GRM8: variants seen among roughly 807,000 people sequenced by gnomAD.
GRM8 encodes the protein glutamate metabotropic receptor 8.
In GRM8, 47 loss-of-function variants were observed where a neutral mutation model predicts 87.2. That is an observed-to-expected ratio of 0.54 (90% confidence interval 0.43 to 0.69). The LOEUF (loss-of-function observed/expected upper bound fraction) is 0.69, where lower values mean the gene tolerates loss of function less well. Ranked by LOEUF, GRM8 falls within the 30% of genes least tolerant of loss-of-function variation. The pLI is 0.00. For missense variants in GRM8, 1,019 were observed against 1,139.2 expected (o/e 0.89, Z 1.52); for synonymous variants, 396 against 404.5 (o/e 0.98, Z 0.25).
chr7:126,571,434 T>A (rs1794680876), intron 8 of GRM8, among the ~76,000 whole-genome samples: 1 of 152,166 alleles, frequency 6.6e-6, no homozygotes, highest in Non-Finnish European at 1.5e-5. Flanking sequence ...ATTGATGATC[T>A]ATATACAGGA....
chr7:126,583,382 A>T (rs1425605389), intron 8 of GRM8, among the ~76,000 whole-genome samples: 2 of 152,078 alleles, frequency 1.3e-5, no homozygotes, highest in Non-Finnish European at 2.9e-5. Flanking sequence ...AAATAATAAA[A>T]ATAAAAAAAT....
chr7:126,563,031 A>G (rs899289614), intron 8 of GRM8, among the ~76,000 whole-genome samples: 1 of 152,214 alleles, frequency 6.6e-6, no homozygotes, highest in Non-Finnish European at 1.5e-5. Context: ...CGTACTGCCC[A>G]TTGTACAATA....
chr7:127,131,451 A>G (rs1302152929), intron 2 of GRM8, among the ~76,000 whole-genome samples: 1 of 152,144 alleles, frequency 6.6e-6, no homozygotes, highest in Non-Finnish European at 1.5e-5. Context: ...GCCTCAATCA[A>G]TTTTTTAAAC....
At chr7:127,004,743 A>C (rs1042490062) in intron 3 of GRM8, among the ~76,000 whole-genome samples, 15 of 151,820 alleles carry the variant, frequency 9.9e-5, no homozygotes, top group African/African-American at 3.6e-4. Context: ...GTAACCTTCA[A>C]AATTATAATG....
chr7:126,797,881 T>C (rs1822143021), intron 6 of GRM8, among the ~76,000 whole-genome samples: 1 of 152,114 alleles, frequency 6.6e-6, no homozygotes, highest in Admixed American at 6.6e-5. Flanking sequence ...CCCAATACTA[T>C]CTAAAGATAT....
In GRM8 at chr7:126,771,324, C is replaced by A. The variant is rs547694687; in HGVS notation, c.1157-1259G>T. 1.9e-4 allele frequency among the ~76,000 whole-genome samples: 29 copies of A among 150,830 alleles called. No homozygotes were observed. The South Asian group carries it at 6.2e-3, about 32-fold the overall frequency. ...CATCGAATTATTGTTTTTGTTCTTC[C>A]TCTGGTCTTAATCACTTGTGACACT... is the stretch of plus-strand genomic sequence containing the variant. On this transcript the variant is annotated intron_variant, in intron 6 of 10. Transcript: ENST00000339582.
chr7:126,747,792 T>G (rs555319363), intron 7 of GRM8, among the ~76,000 whole-genome samples: 1 of 151,968 alleles, frequency 6.6e-6, no homozygotes, highest in Non-Finnish European at 1.5e-5. Context: ...CAAATACAAC[T>G]GAAGAATTAT....
intron 7 of GRM8, among the ~76,000 whole-genome samples, chr7:126,708,952 C>T (rs984377145): frequency 6.6e-6 from 1 of 152,028 alleles, no homozygotes; most frequent in Non-Finnish European, 1.5e-5. Context: ...TTGAAAACTC[C>T]ATAAAAAGTA....
intron 7 of GRM8, among the ~76,000 whole-genome samples, chr7:126,741,511 G>A (rs1028899374): frequency 2.6e-4 from 39 of 152,142 alleles, no homozygotes; most frequent in African/African-American, 8.9e-4. Flanking sequence ...TGCTTACCCT[G>A]GGAACAGGCC....
At chr7:127,101,549 T>C (rs1030630906) in intron 3 of GRM8, among the ~76,000 whole-genome samples, 1 of 152,188 alleles carries the variant, frequency 6.6e-6, no homozygotes, top group East Asian at 1.9e-4. Flanking sequence ...CAACTCTCTC[T>C]TGCTCTTGCT....
Position 126,978,752 on chromosome 7 carries a change from T to C in GRM8, c.728-74069A>G, listed in dbSNP as rs543285198. On this transcript the variant is annotated intron_variant, in intron 3 of 10. Coordinates refer to ENST00000339582, the MANE Select transcript of GRM8 (RefSeq NM_000845.3). ...ATTCCAATATGTAAACATTTTCCTG[T>C]GGTGCACATTAAATCCTTACAAAAG... Among the ~76,000 whole-genome samples the C allele has an allele frequency of 3.9e-5, 6 of 152,324 alleles. 1 individual carries two copies. In the South Asian group the frequency reaches 1.2e-3, roughly 32 times the overall value.
intron 6 of GRM8, among the ~76,000 whole-genome samples, chr7:126,774,999 G>A (rs564349074): frequency 6.6e-6 from 1 of 152,240 alleles, no homozygotes; most frequent in South Asian, 2.1e-4. Flanking sequence ...AAAACAAATG[G>A]AAGTCATACC....
At chr7:126,757,235 C>G in intron 7 of GRM8, among the ~76,000 whole-genome samples, 1 of 151,896 alleles carries the variant, frequency 6.6e-6, no homozygotes, top group East Asian at 1.9e-4. Context: ...AGTTTAAAAG[C>G]AAGAACCCCT....
chr7:126,585,849 A>G (rs1430909544), intron 8 of GRM8, among the ~76,000 whole-genome samples: 1 of 152,144 alleles, frequency 6.6e-6, no homozygotes, highest in African/African-American at 2.4e-5. Context: ...GGCAGGAGAA[A>G]GAAATAAAGG....
chr7:127,186,912 A>G (rs1192241801), intron 2 of GRM8, among the ~76,000 whole-genome samples: 1 of 152,154 alleles, frequency 6.6e-6, no homozygotes, highest in Non-Finnish European at 1.5e-5. Context: ...AGTCAAAGGG[A>G]CCTCATGTGG....
At chr7:127,077,154 G>C (rs1026063248) in intron 3 of GRM8, among the ~76,000 whole-genome samples, 1 of 152,142 alleles carries the variant, frequency 6.6e-6, no homozygotes, top group Non-Finnish European at 1.5e-5. Flanking sequence ...GTATGTGTCT[G>C]TATCTGTGCT....
At chr7:126,797,559 T>C (rs2151695787) in intron 6 of GRM8, among the ~76,000 whole-genome samples, 1 of 152,156 alleles carries the variant, frequency 6.6e-6, no homozygotes, top group Middle Eastern at 3.4e-3. Flanking sequence ...GTGTGCAAAT[T>C]TATCAATAAC....
chr7:126,852,124 G>A (rs1002452293), intron 6 of GRM8, among the ~76,000 whole-genome samples: 4 of 152,136 alleles, frequency 2.6e-5, no homozygotes, highest in Non-Finnish European at 5.9e-5. Context: ...TTCGTGGATG[G>A]AGATGTCTAC....
At chr7:126,516,208 A>T (rs1812136850) in intron 9 of GRM8, among the ~76,000 whole-genome samples, 1 of 152,002 alleles carries the variant, frequency 6.6e-6, no homozygotes. Context: ...TTAATTTCAG[A>T]TAATTATATT....
Sources: allele counts gnomAD v4.1 joint callset (sites outside exome capture counted in the v4.1 genomes callset), GRCh38; gene constraint gnomAD v4.1.1; transcripts MANE v1.5; gene names NCBI Gene and HGNC (gene_info 2026-07-23, HGNC 2026-07-21).